Variants in TMOD1 observed in about 807,000 individuals in gnomAD.
The protein encoded by TMOD1 is tropomodulin-1.
A neutral mutation model predicts 40.6 loss-of-function variants in TMOD1; 17 were observed. That is an observed-to-expected ratio of 0.42 (90% CI 0.29 to 0.63). The LOEUF is 0.63. Among genes scored for constraint, TMOD1 ranks in the 20% least tolerant of loss-of-function variants. The pLI is 0.22. For missense variants in TMOD1, 391 were observed against 447.6 expected, an observed-to-expected ratio of 0.87 and a Z score of 1.14; for synonymous variants, 181 against 175.0, an observed-to-expected ratio of 1.03 and a Z score of -0.27.
intron 9 of TMOD1, 46 bp from the exon 10 acceptor site, chr9:97,599,588 G>A: frequency 1.2e-6 from 2 of 1,611,990 alleles, no homozygotes; most frequent in Non-Finnish European, 1.7e-6. Context: ...CTGGCCCCTG[G>A]TCTACAGGGA....
chr9:97,522,286 G>T (rs537439823), intron 1 of TMOD1, among the ~76,000 whole-genome samples: 2 of 152,136 alleles, frequency 1.3e-5, no homozygotes, highest in African/African-American at 2.4e-5. Flanking sequence ...TCCTTGGCTT[G>T]TAGTAGCATC....
chr9:97,564,782 C>T (rs1438971184), intron 6 of TMOD1, among the ~76,000 whole-genome samples: 2 of 151,806 alleles, frequency 1.3e-5, no homozygotes, highest in African/African-American at 4.8e-5. Context: ...AACAGGCCGC[C>T]GCAGGAAGAA....
chr9:97,574,698 T>C (rs28820330), intron 8 of TMOD1, among the ~76,000 whole-genome samples: 4,864 of 152,284 alleles, frequency 0.032, 275 homozygotes, highest in African/African-American at 0.11. Context: ...AATCCACCAA[T>C]CAGCACTCTG....
chr9:97,523,242 G>T (rs563696453), intron 1 of TMOD1, among the ~76,000 whole-genome samples: 11 of 152,186 alleles, frequency 7.2e-5, no homozygotes. Flanking sequence ...GTCCAAATGC[G>T]TTGGGTGTCA....
chr9:97,523,432 G>A (rs1351154472), intron 1 of TMOD1, among the ~76,000 whole-genome samples: 3 of 152,196 alleles, frequency 2.0e-5, no homozygotes, highest in African/African-American at 7.2e-5. Context: ...ACGCCATTGG[G>A]TGACTCCGCA....
intron 5 of TMOD1, among the ~76,000 whole-genome samples, chr9:97,563,702 G>A (rs537517013): frequency 3.9e-5 from 6 of 152,218 alleles, no homozygotes; most frequent in African/African-American, 1.4e-4. Context: ...TTTCCCATCC[G>A]GGCTTCATCT....
intron 7 of TMOD1, among the ~76,000 whole-genome samples, chr9:97,568,373 A>C (rs1056993913): frequency 1.3e-5 from 2 of 152,368 alleles, no homozygotes; most frequent in East Asian, 3.9e-4. Context: ...GAACAGAGGA[A>C]TCCAAGGTCC....
intron 2 of TMOD1, among the ~76,000 whole-genome samples, chr9:97,539,090 C>G (rs572240033): frequency 3.3e-5 from 5 of 152,178 alleles, no homozygotes; most frequent in African/African-American, 1.2e-4. Context: ...ACTCTACTTT[C>G]TCCATTCACC....
intron 8 of TMOD1, among the ~76,000 whole-genome samples, chr9:97,577,247 G>T (rs1408519302): frequency 6.7e-6 from 1 of 149,226 alleles, no homozygotes; most frequent in South Asian, 2.1e-4. Context: ...GTTCCTCAGC[G>T]TGTGGACACT....
At chr9:97,565,827 C>T (rs373295956) in intron 6 of TMOD1, 21 bp from the exon 7 acceptor site, 346 of 1,598,250 alleles carry the variant, frequency 2.2e-4, no homozygotes, top group Non-Finnish European at 2.7e-4. Context: ...GTCACTCTCT[C>T]TGTTGCCTTT....
intron 1 of TMOD1, among the ~76,000 whole-genome samples, chr9:97,503,305 C>T (rs1829535443): frequency 6.6e-6 from 1 of 152,226 alleles, no homozygotes; most frequent in African/African-American, 2.4e-5. Context: ...GCCCCCTCTT[C>T]TTGAATCTGC....
chr9:97,576,356 A>T (rs1164286119), intron 8 of TMOD1, among the ~76,000 whole-genome samples: 1 of 152,202 alleles, frequency 6.6e-6, no homozygotes, highest in Non-Finnish European at 1.5e-5. Context: ...GAGCAGGAGG[A>T]TCACTTGAGC....
intron 1 of TMOD1, among the ~76,000 whole-genome samples, chr9:97,504,464 G>A (rs1829558054): frequency 6.6e-6 from 1 of 152,146 alleles, no homozygotes; most frequent in South Asian, 2.1e-4. Flanking sequence ...TAAAGAGTAT[G>A]GCAAGTAGTG....
intron 8 of TMOD1, among the ~76,000 whole-genome samples, chr9:97,573,598 G>A (rs1830855319): frequency 6.6e-6 from 1 of 152,200 alleles, no homozygotes; most frequent in Admixed American, 6.5e-5. Context: ...TGAGGGCCAG[G>A]AATCCAGGAG....
At position 97,568,977 on chromosome 9, in the gene TMOD1, G is replaced by A. The variant is rs960750907; in HGVS notation, c.810G>A (p.Leu270=). The change falls in exon 8 of 10, where the codon CTG becomes CTA. Residue 270 remains leucine, a synonymous_variant. Transcript: ENST00000259365. ...ACTTCATTTCTGGAGCTGGGATTCT[G>A]CGCCTGGTAGAAGCCCTCCCATACA... ...ESNFISGAGI[L]RLVEALPYNT... 1 of 1,614,176 alleles carries A rather than the reference G, an allele frequency of 6.2e-7. No homozygotes were observed. The highest frequency in any genetic ancestry group is 2.2e-5 in the East Asian group (1 of 44,886).
rs755991791 is a variant in TMOD1, at chr9:97,564,108, G to A, written c.558G>A (p.Thr186=). 4.3e-6 allele frequency: 7 copies of A among 1,614,048 alleles called. No homozygotes were observed. Among genetic ancestry groups the A allele is most frequent in the East Asian group, 4.5e-5 (2 of 44,886 alleles). The change falls in exon 6 of 10, where the codon ACG becomes ACA. Residue 186 remains threonine, a synonymous_variant. Transcript: ENST00000259365. ...CAAATTCAACAGACGTAGAGGAAAC[G>A]CTGGAACGGATAAAGAACAACGACC... The part of the protein sequence containing the change: ...EEPNSTDVEE[T]LERIKNNDPK...
chr9:97,566,033 G>A lies in TMOD1; in HGVS notation c.726+78G>A, dbSNP rs78278378. On this transcript the variant is annotated intron_variant, in intron 7 of 9. Transcript: ENST00000259365. The stretch of plus-strand genomic sequence containing the variant: ...GGTTGAAATATGTGGCCTCAGGACT[G>A]GTTGTATCCCACTAACAAAGAGCTC... 4,645 of 1,262,574 alleles carry A rather than the reference G, an allele frequency of 3.7e-3. 157 individuals are homozygous for A. The African/African-American group carries it at 0.059, about 16-fold the overall frequency. 78.2% of individuals were successfully genotyped at this position (1,262,574 alleles called of 1,614,324 possible). A position where few individuals can be genotyped will look rare whatever the true frequency, so the allele number is the denominator to read the frequency against.
intron 2 of TMOD1, among the ~76,000 whole-genome samples, chr9:97,530,348 T>C (rs1229494182): frequency 6.6e-6 from 1 of 152,148 alleles, no homozygotes; most frequent in African/African-American, 2.4e-5. Flanking sequence ...TTCAACCTTA[T>C]AAAGAAATTG....
intron 3 of TMOD1, among the ~76,000 whole-genome samples, chr9:97,547,522 C>A (rs1188258193): frequency 6.6e-6 from 1 of 152,212 alleles, no homozygotes; most frequent in Non-Finnish European, 1.5e-5. Flanking sequence ...GATGAAAATA[C>A]CAGCCTCATG....
Sources: allele counts gnomAD v4.1 joint callset (sites outside exome capture counted in the v4.1 genomes callset), GRCh38; gene constraint gnomAD v4.1.1; transcripts MANE v1.5; gene names NCBI Gene and HGNC (gene_info 2026-07-23, HGNC 2026-07-21).